The following TNFRSF13B variants were observed in gnomAD, a reference collection of about 807,000 sequenced individuals.
TNFRSF13B encodes TNF receptor superfamily member 13B, also known as tumor necrosis factor receptor superfamily member 13B.
A neutral mutation model predicts 24.0 loss-of-function variants in TNFRSF13B; 34 were observed. The ratio of observed to expected loss-of-function variants is 1.41; its 90% CI spans 1.08 to 1.88. The LOEUF (loss-of-function observed/expected upper bound fraction) is 1.88, where lower values mean the gene tolerates loss of function less well. TNFRSF13B is among the 40% of genes most tolerant of loss of function. The pLI, the probability that TNFRSF13B is intolerant of heterozygous loss-of-function variation, is 0.00. For missense variants in TNFRSF13B, 415 were observed against 380.8 expected (o/e 1.09, Z -0.75); for synonymous variants, 173 against 150.3 (o/e 1.15, Z -1.10).
intron 3 of TNFRSF13B, among the ~76,000 whole-genome samples, chr17:16,946,585 T>TTTTTA (rs2087550418): frequency 1.4e-5 from 2 of 147,256 alleles, no homozygotes; most frequent in Admixed American, 1.4e-4. Context: ...TTTTTATTTA[T>TTTTTA]TTATTTATTT....
intron 1 of TNFRSF13B, among the ~76,000 whole-genome samples, chr17:16,955,491 G>A (rs529614711): frequency 1.3e-5 from 2 of 152,182 alleles, no homozygotes; most frequent in African/African-American, 2.4e-5. Context: ...AGATGTAATC[G>A]AATAAATTGT....
chr17:16,961,554 TAGAG>T (rs555999112), intron 1 of TNFRSF13B, among the ~76,000 whole-genome samples: 253 of 152,254 alleles, frequency 1.7e-3, no homozygotes, highest in African/African-American at 5.9e-3. Flanking sequence ...TTCACAGAGT[TAGAG>T]AGTAAAATAG....
chr17:16,948,329 C>T lies in TNFRSF13B; in HGVS notation c.445+409G>A, dbSNP rs563673713. On this transcript the variant is annotated intron_variant, in intron 3 of 4. Coordinates refer to ENST00000261652, the MANE Select transcript of TNFRSF13B (RefSeq NM_012452.3). ...GTAACAAACCCTACACATGTACCCC[C>T]GGATCTAAAAAAAAAAGTTGAAATT... is the stretch of plus-strand genomic sequence containing the variant. Among the ~76,000 whole-genome samples the T allele has an allele frequency of 1.2e-4, 18 of 151,920 alleles. No homozygotes were observed. The South Asian group carries it at 2.7e-3, about 23-fold the overall frequency.
chr17:16,967,217 C>T (rs2087707835), intron 1 of TNFRSF13B, among the ~76,000 whole-genome samples: 1 of 152,026 alleles, frequency 6.6e-6, no homozygotes, highest in South Asian at 2.1e-4. Flanking sequence ...GAGTAAATTA[C>T]AGTACATTTA....
intron 1 of TNFRSF13B, among the ~76,000 whole-genome samples, chr17:16,964,337 C>CTTTTTTTT (rs71355533): frequency 1.3e-5 from 1 of 79,818 alleles, no homozygotes; most frequent in Non-Finnish European, 2.5e-5. Flanking sequence ...ATCTCCATGC[C>CTTTTTTTT]TTTTTTTTTT....
intron 3 of TNFRSF13B, among the ~76,000 whole-genome samples, chr17:16,946,199 G>A (rs1451091849): frequency 6.6e-6 from 1 of 152,242 alleles, no homozygotes; most frequent in Non-Finnish European, 1.5e-5. Flanking sequence ...CCATCATCAG[G>A]CACACAGGCC....
intron 3 of TNFRSF13B, 149 bp downstream of exon 3, chr17:16,948,589 T>TA: frequency 8.7e-7 from 1 of 1,150,010 alleles, no homozygotes; most frequent in Non-Finnish European, 1.3e-6. Flanking sequence ...TTGTTTTTTT[T>TA]ATCCTGGGAT....
At chr17:16,953,226 C>T (rs536804578) in intron 1 of TNFRSF13B, among the ~76,000 whole-genome samples, 2 of 152,328 alleles carry the variant, frequency 1.3e-5, no homozygotes, top group South Asian at 4.2e-4. Context: ...GTACTTAGGA[C>T]ACAGCACCTG....
At chr17:16,940,680 G>A in intron 3 of TNFRSF13B, 169 bp from the exon 4 acceptor site, 2 of 1,473,462 alleles carry the variant, frequency 1.4e-6, no homozygotes, top group Non-Finnish European at 1.8e-6. Context: ...GGATCCTGGA[G>A]GAAGTTGATC....
chr17:16,968,004 G>A (rs1427482778), intron 1 of TNFRSF13B, among the ~76,000 whole-genome samples: 3 of 151,058 alleles, frequency 2.0e-5, no homozygotes, highest in Admixed American at 2.0e-4. Context: ...AGCCGGGTGT[G>A]GTGGCGGATG....
chr17:16,953,108 T>C (rs552168757), intron 1 of TNFRSF13B, among the ~76,000 whole-genome samples: 1 of 152,340 alleles, frequency 6.6e-6, no homozygotes, highest in East Asian at 1.9e-4. Flanking sequence ...ACTTTCCTTC[T>C]ATGCATGTGG....
chr17:16,965,247 C>T (rs7226097), intron 1 of TNFRSF13B, among the ~76,000 whole-genome samples: 84,781 of 151,692 alleles, frequency 0.56, 23,833 homozygotes, highest in Non-Finnish European at 0.59. Flanking sequence ...GCTAAGACAA[C>T]AGCTGTGAGC....
intron 1 of TNFRSF13B, among the ~76,000 whole-genome samples, chr17:16,952,897 C>A (rs749402574): frequency 1.3e-5 from 2 of 152,180 alleles, no homozygotes; most frequent in African/African-American, 2.4e-5. Context: ...CCTCTCCCTG[C>A]CACAGGGTCT....
At chr17:16,963,447 A>G (rs969005628) in intron 1 of TNFRSF13B, among the ~76,000 whole-genome samples, 2 of 152,184 alleles carry the variant, frequency 1.3e-5, no homozygotes, top group Admixed American at 6.5e-5. Context: ...GCCCTTTACA[A>G]TTTCACCAAG....
intron 4 of TNFRSF13B, 57 bp from the exon 5 acceptor site, chr17:16,939,854 G>C: frequency 7.7e-6 from 12 of 1,559,136 alleles, no homozygotes; most frequent in Non-Finnish European, 1.0e-5. Flanking sequence ...TAGGGTAGGG[G>C]TGACGGTGTG....
intron 3 of TNFRSF13B, among the ~76,000 whole-genome samples, chr17:16,945,026 C>G (rs962603892): frequency 1.3e-5 from 2 of 152,218 alleles, no homozygotes; most frequent in Non-Finnish European, 1.5e-5. Context: ...CCCCACCAGC[C>G]CATGCAGGCA....
At chr17:16,955,591 G>A (rs946216644) in intron 1 of TNFRSF13B, among the ~76,000 whole-genome samples, 1 of 152,248 alleles carries the variant, frequency 6.6e-6, no homozygotes, top group Non-Finnish European at 1.5e-5. Flanking sequence ...ATTGGCTCCA[G>A]ACTGAAGGAG....
intron 3 of TNFRSF13B, among the ~76,000 whole-genome samples, chr17:16,948,403 G>A (rs1284980975): frequency 6.6e-6 from 1 of 152,210 alleles, no homozygotes; most frequent in East Asian, 1.9e-4. Flanking sequence ...CACTGGTGGA[G>A]GGCAGGTGGT....
At chr17:16,944,687 C>T (rs2087535308) in intron 3 of TNFRSF13B, among the ~76,000 whole-genome samples, 1 of 152,178 alleles carries the variant, frequency 6.6e-6, no homozygotes, top group South Asian at 2.1e-4. Flanking sequence ...GGGACAGGAA[C>T]TGCCTCATTC....
Sources: gnomAD v4.1 joint callset for allele counts (sites outside exome capture counted in the v4.1 genomes callset) on GRCh38, gnomAD v4.1.1 for gene constraint, MANE v1.5 for transcripts, NCBI Gene and HGNC (gene_info 2026-07-23, HGNC 2026-07-21) for gene names.